The following DPEP1 variants were observed in gnomAD, a reference collection of about 807,000 sequenced individuals.
DPEP1 encodes beta-lactamase.
Under a neutral mutation model 42.3 loss-of-function variants are expected in DPEP1, and 50 were observed. The observed-to-expected ratio is 1.18, with a 90% CI of 0.94 to 1.50. DPEP1 has a LOEUF of 1.50. Among genes scored for constraint, DPEP1 ranks in the 40% most tolerant of loss-of-function variants. The probability of loss-of-function intolerance (pLI) is 0.00; values close to 1 mark genes in which losing one functional copy is unlikely to be tolerated. For synonymous variants in DPEP1, 297 were observed against 234.0 expected (o/e 1.27, Z -2.46); for missense variants, 663 against 553.0 (o/e 1.20, Z -1.99).
chr16:89,618,826 G>T (rs61408277), intron 1 of DPEP1, among the ~76,000 whole-genome samples: 10,774 of 151,978 alleles, frequency 0.071, 559 homozygotes, highest in East Asian at 0.23. Context: ...AGAACGGTAG[G>T]AACCCTGCAC....
intron 1 of DPEP1, among the ~76,000 whole-genome samples, chr16:89,614,760 A>G (rs531925986): frequency 1.3e-5 from 2 of 152,176 alleles, no homozygotes; most frequent in Non-Finnish European, 1.5e-5. Flanking sequence ...GTGCCACTGC[A>G]CTCCAGCCTG....
At chr16:89,634,091 C>CTTTTTTT (rs3039849) in intron 2 of DPEP1, among the ~76,000 whole-genome samples, 1,725 of 123,496 alleles carry the variant, frequency 0.014, 90 homozygotes, top group African/African-American at 0.021. Flanking sequence ...TTCTCTTCTT[C>CTTTTTTT]TTTTTTTTTT....
chr16:89,634,309 G>A (rs560230157), intron 2 of DPEP1, among the ~76,000 whole-genome samples: 7 of 151,984 alleles, frequency 4.6e-5, no homozygotes, highest in South Asian at 2.1e-4. Context: ...GGATGATCTC[G>A]ATCTCCTGAC....
chr16:89,616,848 GC>G, intron 1 of DPEP1: 1 of 236,218 alleles, frequency 4.2e-6, no homozygotes, highest in South Asian at 3.5e-5. Flanking sequence ...ACAGGAAGTG[GC>G]CAGGAAGCAG....
In DPEP1 at chr16:89,630,442, T is replaced by C. The variant is rs1158125906; in HGVS notation, c.32T>C (p.Val11Ala). 1.2e-6 allele frequency: 2 copies of C among 1,610,668 alleles called. No individual in the cohort carries two copies. The highest frequency in any genetic ancestry group is 2.2e-5 in the East Asian group (1 of 44,740). The change falls in exon 2 of 11, where the codon GTG (valine) becomes GCG (alanine). Residue 11 changes from valine to alanine, a missense_variant. Coordinates refer to ENST00000690203, the MANE Select transcript of DPEP1 (RefSeq NM_001389466.1). ...AGCGGATGGTGGCTGTGGCCCCTTG[T>C]GGCCGTCTGCACTGCAGACTTCTTT... MWSGWWLWPL[V>A]AVCTADFFRD...
Position 89,637,870 on chromosome 16 carries a change from C to A in DPEP1, c.964C>A (p.Pro322Thr), listed in dbSNP as rs1280225752. 2 of 1,612,780 alleles carry A rather than the reference C, an allele frequency of 1.2e-6. No individual in the cohort carries two copies. Among genetic ancestry groups the A allele is most frequent in the Non-Finnish European group, 8.5e-7 (1 of 1,179,924 alleles). The change falls in exon 10 of 11, where the codon CCA becomes ACA. Residue 322 changes from proline to threonine, a missense_variant. By Grantham distance (38) the Pro-to-Thr change is conservative. Coordinates refer to ENST00000690203, the MANE Select transcript of DPEP1 (RefSeq NM_001389466.1). ...GGGGCTGGAGGACGTCTCCAAGTAT[C>A]CAGACCTGATCGCTGAGCTGCTCAG... ...PEGLEDVSKY[P>T]DLIAELLRRN... is the part of the protein sequence containing the mutation.
intron 9 of DPEP1, 40 bp downstream of exon 9, chr16:89,637,747 G>T: frequency 1.9e-6 from 3 of 1,612,874 alleles, no homozygotes; most frequent in Non-Finnish European, 2.5e-6. Flanking sequence ...TGAGCCGGGA[G>T]GTTCATGGCC....
At position 89,637,366 on chromosome 16, in the gene DPEP1, G is replaced by A. The variant is rs1428445628; in HGVS notation, c.754G>A (p.Val252Ile). 8.7e-6 allele frequency: 14 copies of A among 1,612,116 alleles called. No homozygotes were observed. The highest frequency in any genetic ancestry group is 6.7e-5 in the African/African-American group (5 of 74,940). Residue 252 changes from valine to isoleucine, a missense_variant, in exon 7 of 11, where the codon GTC becomes ATC. Physicochemically the swap from Val to Ile is conservative, Grantham distance 29. Transcript: ENST00000690203. ...CASRRNVPDD[V>I]LRLVKQTDSL... Reference sequence around the variant, plus strand: ...AAGCCGGCGCAACGTGCCTGACGACGTCCTGAGGCTGGTGGTGAGGGCCGA... The same window carrying A: ...AAGCCGGCGCAACGTGCCTGACGACATCCTGAGGCTGGTGGTGAGGGCCGA...
chr16:89,639,262 A>C (rs918921020), downstream of DPEP1, among the ~76,000 whole-genome samples: 7 of 5,874 alleles, frequency 1.2e-3, no homozygotes, highest in Admixed American at 2.4e-3. Context: ...CTGCACACAC[A>C]CCCCCACCCC....
chr16:89,626,947 C>G (rs912711365), intron 1 of DPEP1, among the ~76,000 whole-genome samples: 25 of 151,180 alleles, frequency 1.7e-4, no homozygotes, highest in Non-Finnish European at 3.1e-4. Context: ...GTGAAACTGT[C>G]TGTAGTAAAA....
intron 1 of DPEP1, 145 bp from the exon 2 acceptor site, chr16:89,630,160 C>T (rs1038028906): frequency 5.3e-5 from 18 of 341,804 alleles, no homozygotes; most frequent in Admixed American, 2.0e-4. Flanking sequence ...CAGACAGCAA[C>T]GCCCAGTCAT....
chr16:89,631,162 C>T (rs1217786016), intron 2 of DPEP1, among the ~76,000 whole-genome samples: 4 of 152,120 alleles, frequency 2.6e-5, no homozygotes, highest in Admixed American at 6.5e-5. Context: ...CCACTCCCCC[C>T]GGCCTGCCTT....
intron 2 of DPEP1, among the ~76,000 whole-genome samples, chr16:89,633,578 C>G (rs1156305721): frequency 6.6e-6 from 1 of 151,770 alleles, no homozygotes; most frequent in Non-Finnish European, 1.5e-5. Flanking sequence ...AAATGATTAA[C>G]AGTTACTCAT....
chr16:89,625,376 C>A (rs1390804191), intron 1 of DPEP1, among the ~76,000 whole-genome samples: 1 of 152,134 alleles, frequency 6.6e-6, no homozygotes, highest in Non-Finnish European at 1.5e-5. Flanking sequence ...GTTCTCTTCC[C>A]AACGAACTCA....
intron 1 of DPEP1, among the ~76,000 whole-genome samples, chr16:89,618,144 C>T (rs1004165462): frequency 1.3e-5 from 2 of 152,122 alleles, no homozygotes; most frequent in South Asian, 2.1e-4. Flanking sequence ...GGCTTAAATG[C>T]AAATAGAATA....
chr16:89,626,400 G>C (rs1158115509), intron 1 of DPEP1: 2 of 152,156 alleles, frequency 1.3e-5, no homozygotes, highest in Admixed American at 1.3e-4. Context: ...AAGCTGGCTG[G>C]AGTGCAGTGG....
At chr16:89,629,438 G>A (rs2059556340) in intron 1 of DPEP1, among the ~76,000 whole-genome samples, 1 of 152,154 alleles carries the variant, frequency 6.6e-6, no homozygotes, top group Non-Finnish European at 1.5e-5. Context: ...GGAGGTGCAG[G>A]TTGCAGTGAG....
In DPEP1 at chr16:89,630,406, C is replaced by G. The variant is rs780972558; in HGVS notation, c.-5C>G. ...CAGTGCACACAGGTCCCCGGGGACC[C>G]CACCATGTGGAGCGGATGGTGGCTG... On this transcript the variant is annotated 5_prime_UTR_variant, in exon 2 of 11. Coordinates refer to ENST00000690203, the MANE Select transcript of DPEP1 (RefSeq NM_001389466.1). 4 of 1,609,384 alleles carry G rather than the reference C, an allele frequency of 2.5e-6. No homozygotes were observed. Among genetic ancestry groups the G allele is most frequent in the Non-Finnish European group, 3.4e-6 (4 of 1,177,834 alleles).
chr16:89,616,437 G>A (rs951957997), intron 1 of DPEP1, among the ~76,000 whole-genome samples: 11 of 152,128 alleles, frequency 7.2e-5, no homozygotes, highest in South Asian at 2.1e-4. Flanking sequence ...GGGCTGTGCC[G>A]GGAGGGGTCC....
Sources: gnomAD v4.1 joint callset for allele counts (sites outside exome capture counted in the v4.1 genomes callset) on GRCh38, gnomAD v4.1.1 for gene constraint, MANE v1.5 for transcripts, NCBI Gene and HGNC (gene_info 2026-07-23, HGNC 2026-07-21) for gene names.